The following SLC14A1 variants were observed in gnomAD, a reference collection of about 807,000 sequenced individuals.
The protein encoded by SLC14A1 is solute carrier family 14 member 1 (Kidd blood group), also known as urea transporter 1.
In SLC14A1, 36 loss-of-function variants were observed where a neutral mutation model predicts 39.6. The observed-to-expected ratio is 0.91, with a 90% CI of 0.70 to 1.20. The LOEUF (loss-of-function observed/expected upper bound fraction) is 1.20, where lower values mean the gene tolerates loss of function less well. SLC14A1 is among the 50% of genes most tolerant of loss of function. The pLI, the probability that SLC14A1 is intolerant of heterozygous loss-of-function variation, is 0.00. For synonymous variants in SLC14A1, 164 were observed against 173.6 expected (o/e 0.94, Z 0.43); for missense variants, 469 against 478.7 (o/e 0.98, Z 0.19).
intron 5 of SLC14A1, among the ~76,000 whole-genome samples, chr18:45,735,168 T>C (rs964957661): frequency 6.6e-6 from 1 of 152,184 alleles, no homozygotes; most frequent in African/African-American, 2.4e-5. Context: ...CTTTGGGAGT[T>C]TCTAAAGCTT....
intron 2 of SLC14A1, 153 bp from the exon 3 acceptor site, chr18:45,730,147 T>G: frequency 1.4e-6 from 1 of 731,620 alleles, no homozygotes; most frequent in Non-Finnish European, 2.1e-6. Context: ...GTTTGGCTAA[T>G]AAGCTCTGTG....
chr18:45,739,015 G>T, intron 6 of SLC14A1, 148 bp from the exon 7 acceptor site: 1 of 883,764 alleles, frequency 1.1e-6, no homozygotes, highest in Non-Finnish European at 1.9e-6. Context: ...TGTAATCAAA[G>T]AGAGAGAATT....
In SLC14A1 at chr18:45,741,928, G is replaced by A. The variant is rs541728035; in HGVS notation, c.946+2266G>A. Among the ~76,000 whole-genome samples the A allele has an allele frequency of 1.1e-4, 16 of 152,296 alleles. No individual in the cohort carries two copies. The South Asian group carries it at 2.5e-3, about 24-fold the overall frequency. On this transcript the variant is annotated intron_variant, in intron 8 of 9. Coordinates refer to ENST00000321925, the MANE Select transcript of SLC14A1 (RefSeq NM_015865.7). ...TACCTTTATTTTTCTGGAGGAAGTAGCCACAAATATGTATTAAACACACAT... is the reference window on the plus strand; with the variant it reads ...TACCTTTATTTTTCTGGAGGAAGTAACCACAAATATGTATTAAACACACAT...
Position 45,734,364 on chromosome 18 carries a change from G to A in SLC14A1, c.432G>A (p.Trp144Ter), listed in dbSNP as rs2047121737. The A allele has an allele frequency of 6.2e-7, 1 of 1,613,810 alleles. No individual in the cohort carries two copies. Among genetic ancestry groups the A allele is most frequent in the Non-Finnish European group, 8.5e-7 (1 of 1,179,960 alleles). Residue 144 changes from tryptophan to a stop codon, truncating the protein, a stop_gained, in exon 5 of 10, where the codon TGG (tryptophan) becomes TGA (stop). Transcript: ENST00000321925. LOFTEE classifies it high-confidence loss of function. ...AVFSDKGDYF[W>*]WLLLPVCAMS... ...TTTCGGACAAGGGAGACTATTTCTGGTGGCTGTTACTCCCTGTATGTGCTA... is the reference window on the plus strand; with the variant it reads ...TTTCGGACAAGGGAGACTATTTCTGATGGCTGTTACTCCCTGTATGTGCTA...
intron 8 of SLC14A1, among the ~76,000 whole-genome samples, chr18:45,743,523 G>A (rs143392054): frequency 1.4e-4 from 22 of 152,202 alleles, no homozygotes; most frequent in African/African-American, 3.9e-4. Flanking sequence ...ACTTACTAGC[G>A]TATTTGCTTA....
intron 2 of SLC14A1, among the ~76,000 whole-genome samples, chr18:45,726,244 G>T (rs1765361733): frequency 2.0e-5 from 3 of 152,016 alleles, no homozygotes; most frequent in Non-Finnish European, 1.5e-5. Flanking sequence ...CTAAAATTGT[G>T]GATTTTTCTG....
At chr18:45,727,278 G>T in intron 2 of SLC14A1, 1 of 1,551,658 alleles carries the variant, frequency 6.4e-7, no homozygotes, top group Non-Finnish European at 8.7e-7. Flanking sequence ...AAGGATGAAT[G>T]GACGGTCTTT....
At chr18:45,734,206 G>A in intron 4 of SLC14A1, 68 bp from the exon 5 acceptor site, 1 of 1,596,072 alleles carries the variant, frequency 6.3e-7, no homozygotes, top group Non-Finnish European at 8.6e-7. Flanking sequence ...AGTTACTAGT[G>A]TTATTTATGT....
intron 4 of SLC14A1, among the ~76,000 whole-genome samples, chr18:45,732,417 A>G (rs1339856788): frequency 6.6e-6 from 1 of 152,236 alleles, no homozygotes; most frequent in Non-Finnish European, 1.5e-5. Context: ...CTCTACTGTC[A>G]TGTGTAGTCC....
intron 2 of SLC14A1, chr18:45,727,389 T>G: frequency 6.5e-7 from 1 of 1,550,072 alleles, no homozygotes; most frequent in South Asian, 1.2e-5. Context: ...CCGGCTAAGC[T>G]TGGCCCTGGC....
At position 45,731,108 on chromosome 18, in the gene SLC14A1, TG is replaced by T. The variant is rs1267901542; in HGVS notation, c.247del (p.Val83Ter). ...VNNPVSGILI[L>X]VGLLVQNPWW... ...AACCCCGTCAGTGGAATCCTGATTC[TG>T]GTAGGACTTCTTGTTCAGAACCCCT... On this transcript the variant is annotated frameshift_variant, in exon 4 of 10. Coordinates refer to ENST00000321925, the MANE Select transcript of SLC14A1 (RefSeq NM_015865.7). LOFTEE classifies it high-confidence loss of function. 1 of 1,614,194 alleles carries T rather than the reference TG, an allele frequency of 6.2e-7. No homozygotes were observed. Among genetic ancestry groups the T allele is most frequent in the Non-Finnish European group, 8.5e-7 (1 of 1,180,004 alleles).
At chr18:45,744,018 C>CT (rs11433934) in intron 8 of SLC14A1, among the ~76,000 whole-genome samples, 133,985 of 147,210 alleles carry the variant, frequency 0.91, 60,962 homozygotes, top group East Asian at 1. Context: ...ACCTTCTGTA[C>CT]TTTTTTTTTT....
chr18:45,732,894 A>G (rs938448839), intron 4 of SLC14A1, among the ~76,000 whole-genome samples: 9 of 152,256 alleles, frequency 5.9e-5, no homozygotes, highest in African/African-American at 2.2e-4. Flanking sequence ...TATGTGGTGC[A>G]TATACAACAC....
rs993331334 is a variant in SLC14A1, at chr18:45,734,415, T to A, written c.470+13T>A. ...TGTCCATGACTTGGTAAGTTACAATTGGTTTTCAAAATGCCTTTTTGAAAA... is the reference window on the plus strand; with the variant it reads ...TGTCCATGACTTGGTAAGTTACAATAGGTTTTCAAAATGCCTTTTTGAAAA... On this transcript the variant is annotated intron_variant, in intron 5 of 9. Coordinates refer to ENST00000321925, the MANE Select transcript of SLC14A1 (RefSeq NM_015865.7). 1 of 1,595,356 alleles carries A rather than the reference T, an allele frequency of 6.3e-7. No individual in the cohort carries two copies. The highest frequency in any genetic ancestry group is 1.4e-5 in the African/African-American group (1 of 72,676).
At chr18:45,737,819 T>C (rs1368374158) in intron 6 of SLC14A1, among the ~76,000 whole-genome samples, 2 of 152,206 alleles carry the variant, frequency 1.3e-5, no homozygotes, top group East Asian at 3.8e-4. Context: ...ACCCACTGTA[T>C]TAGACAGCAC....
chr18:45,727,494 C>A (rs1209131066), intron 2 of SLC14A1: 23 of 1,454,538 alleles, frequency 1.6e-5, no homozygotes, highest in Non-Finnish European at 2.0e-5. Flanking sequence ...CTTTTCCGGG[C>A]AGAGCCTGGG....
At chr18:45,725,400 C>A (rs369482875) in intron 2 of SLC14A1, among the ~76,000 whole-genome samples, 1 of 152,264 alleles carries the variant, frequency 6.6e-6, no homozygotes, top group South Asian at 2.1e-4. Context: ...CACACATAAG[C>A]CTTGCTGTAG....
chr18:45,729,351 C>T (rs2046961020), intron 2 of SLC14A1: 1 of 152,184 alleles, frequency 6.6e-6, no homozygotes. Flanking sequence ...TTTTATCTAC[C>T]ATCAGCACAA....
rs28903069 is a variant in SLC14A1, at chr18:45,751,764, C to T, written c.*1813C>T. On this transcript the variant is annotated 3_prime_UTR_variant, in exon 10 of 10. Transcript: ENST00000321925. ...GTCACTGCACTCCAGCCTGTGTGACCGAGCAAGACCCTATCTCAAAAAAAT... is the reference window on the plus strand; with the variant it reads ...GTCACTGCACTCCAGCCTGTGTGACTGAGCAAGACCCTATCTCAAAAAAAT... The T allele has an allele frequency of 5.3e-3, 3,987 of 747,370 alleles. 139 individuals are homozygous for T. In the African/African-American group the frequency reaches 0.07, roughly 13 times the overall value. 46.3% of individuals were successfully genotyped at this position (747,370 alleles called of 1,614,324 possible).
Sources: gnomAD v4.1 joint callset for allele counts (sites outside exome capture counted in the v4.1 genomes callset) on GRCh38, gnomAD v4.1.1 for gene constraint, MANE v1.5 for transcripts, NCBI Gene and HGNC (gene_info 2026-07-23, HGNC 2026-07-21) for gene names.